NR3C2: variants seen among roughly 807,000 people sequenced by gnomAD.
NR3C2 encodes the protein nuclear receptor subfamily 3 group C member 2.
In NR3C2, 15 loss-of-function variants were observed where a neutral mutation model predicts 86.4. The ratio of observed to expected loss-of-function variants is 0.17; its 90% confidence interval spans 0.12 to 0.27. The LOEUF is 0.27. Ranked by LOEUF, NR3C2 falls within the 10% of genes least tolerant of loss-of-function variation. The probability of loss-of-function intolerance (pLI) is 1.00; values close to 1 mark genes in which losing one functional copy is unlikely to be tolerated. For synonymous variants in NR3C2, 458 were observed against 450.5 expected, an observed-to-expected ratio of 1.02 and a Z score of -0.21; for missense variants, 960 against 1,195.6, an observed-to-expected ratio of 0.80 and a Z score of 2.91.
chr4:148,212,648 T>C (rs1330910868), intron 3 of NR3C2, among the ~76,000 whole-genome samples: 2 of 152,214 alleles, frequency 1.3e-5, no homozygotes, highest in Non-Finnish European at 2.9e-5. Context: ...CAAGAAAATA[T>C]CTAAAAGTAA....
At chr4:148,163,686 A>C (rs1178463004) in intron 4 of NR3C2, among the ~76,000 whole-genome samples, 2 of 142,866 alleles carry the variant, frequency 1.4e-5, no homozygotes, top group African/African-American at 2.6e-5. Flanking sequence ...GGTTTCTTGT[A>C]ATCTTGAGAT....
chr4:148,080,901 A>AAAG lies in NR3C2; in HGVS notation c.*440_*442dup. 2.8e-6 allele frequency: 1 copy of AAAG among 355,108 alleles called. No individual in the cohort carries two copies. The highest frequency in any genetic ancestry group is 2.1e-5 in the South Asian group (1 of 47,202). The allele number at this position is 355,108 out of a possible 1,614,324, so 22.0% of individuals were successfully genotyped here. On this transcript the variant is annotated 3_prime_UTR_variant, in exon 9 of 9. Coordinates refer to ENST00000358102, the MANE Select transcript of NR3C2 (RefSeq NM_000901.5). The stretch of plus-strand genomic sequence containing the variant: ...ATTTTTTTGTGTTTTTTTAATAACA[A>AAAG]AAGAATATTAATGCCCCATATTGAC...
intron 2 of NR3C2, among the ~76,000 whole-genome samples, chr4:148,423,456 T>C (rs1749378467): frequency 6.6e-6 from 1 of 152,312 alleles, no homozygotes; most frequent in Non-Finnish European, 1.5e-5. Context: ...CTTCACCTCC[T>C]GTATGAAGGT....
intron 3 of NR3C2, among the ~76,000 whole-genome samples, chr4:148,258,432 T>C (rs1739931422): frequency 6.6e-6 from 1 of 152,200 alleles, no homozygotes; most frequent in Non-Finnish European, 1.5e-5. Flanking sequence ...AAAATTGGCC[T>C]TCTGGTAACA....
At chr4:148,134,592 G>T (rs1216837883) in intron 6 of NR3C2, among the ~76,000 whole-genome samples, 2 of 144,440 alleles carry the variant, frequency 1.4e-5, no homozygotes, top group African/African-American at 5.1e-5. Context: ...TGAGTGTTAA[G>T]GACAACACCT....
chr4:148,179,804 C>T (rs1247886790), intron 4 of NR3C2, among the ~76,000 whole-genome samples: 1 of 151,820 alleles, frequency 6.6e-6, no homozygotes, highest in Non-Finnish European at 1.5e-5. Context: ...TGAAATTCTG[C>T]AGTGTAAAAA....
chr4:148,303,076 A>C (rs1005191729), intron 2 of NR3C2, among the ~76,000 whole-genome samples: 1 of 152,210 alleles, frequency 6.6e-6, no homozygotes, highest in Non-Finnish European at 1.5e-5. Context: ...CACTTTATGC[A>C]AATAATCAGG....
At chr4:148,147,750 T>C (rs1733934322) in intron 6 of NR3C2, among the ~76,000 whole-genome samples, 1 of 152,212 alleles carries the variant, frequency 6.6e-6, no homozygotes, top group African/African-American at 2.4e-5. Flanking sequence ...ATTGCTGCCT[T>C]TGCTGTGGTG....
At chr4:148,333,404 C>T (rs1744323147) in intron 2 of NR3C2, among the ~76,000 whole-genome samples, 1 of 152,196 alleles carries the variant, frequency 6.6e-6, no homozygotes, top group Non-Finnish European at 1.5e-5. Context: ...TGATTTTAAG[C>T]TGGGCACATT....
At chr4:148,218,348 T>C (rs13144030) in intron 3 of NR3C2, among the ~76,000 whole-genome samples, 82,526 of 152,016 alleles carry the variant, frequency 0.54, 22,585 homozygotes, top group South Asian at 0.6. Context: ...GTCTATCATA[T>C]AAATGATGAA....
At chr4:148,280,954 G>A in intron 2 of NR3C2, among the ~76,000 whole-genome samples, 1 of 152,270 alleles carries the variant, frequency 6.6e-6, no homozygotes, top group South Asian at 2.1e-4. Flanking sequence ...AACAGTTAGA[G>A]CTTAGCTGAG....
intron 2 of NR3C2, among the ~76,000 whole-genome samples, chr4:148,316,368 T>A (rs1196901660): frequency 6.6e-6 from 1 of 152,202 alleles, no homozygotes; most frequent in African/African-American, 2.4e-5. Flanking sequence ...GAACATGTAT[T>A]ATATTTATTC....
Position 148,435,678 on chromosome 4 carries a change from C to T in NR3C2, c.1183G>A (p.Val395Ile), listed in dbSNP as rs764140077. 1.2e-6 allele frequency: 2 copies of T among 1,614,156 alleles called. No individual in the cohort carries two copies. Among genetic ancestry groups the T allele is most frequent in the Non-Finnish European group, 1.7e-6 (2 of 1,180,032 alleles). Residue 395 changes from valine (V) to isoleucine (I), a missense_variant, in exon 2 of 9, where the codon GTC (valine) becomes ATC (isoleucine). Physicochemically the swap from Val to Ile is conservative, Grantham distance 29 (BLOSUM62 3). Transcript: ENST00000358102. ...SNGVTGQLNI[V>I]QYIKPEPDGA... ...TCTGGTTCTGGTTTTATGTACTGGA[C>T]AATATTAAGCTGGCCAGTCACACCA...
At chr4:148,379,151 G>A (rs571631799) in intron 2 of NR3C2, among the ~76,000 whole-genome samples, 24 of 152,054 alleles carry the variant, frequency 1.6e-4, no homozygotes, top group African/African-American at 4.6e-4. Flanking sequence ...ATAATTATAC[G>A]TCTAAATTTA....
intron 4 of NR3C2, among the ~76,000 whole-genome samples, chr4:148,177,594 G>A (rs1361278558): frequency 6.6e-6 from 1 of 152,184 alleles, no homozygotes; most frequent in Non-Finnish European, 1.5e-5. Flanking sequence ...ATATTCCTCA[G>A]TGGACACACC....
At chr4:148,291,070 T>C (rs1741775631) in intron 2 of NR3C2, among the ~76,000 whole-genome samples, 1 of 152,142 alleles carries the variant, frequency 6.6e-6, no homozygotes, top group Non-Finnish European at 1.5e-5. Context: ...TATTGCAAGA[T>C]GGTACCCACA....
intron 4 of NR3C2, among the ~76,000 whole-genome samples, chr4:148,162,674 C>T (rs3846299): frequency 0.14 from 21,805 of 152,212 alleles, 2,105 homozygotes; most frequent in African/African-American, 0.27. Flanking sequence ...TGGACTGCGT[C>T]GCATGGGGCT....
chr4:148,229,495 T>C (rs987838887), intron 3 of NR3C2, among the ~76,000 whole-genome samples: 7 of 152,204 alleles, frequency 4.6e-5, no homozygotes, highest in African/African-American at 1.7e-4. Context: ...CCTGTGTGTA[T>C]GCCAATTTTG....
intron 6 of NR3C2, among the ~76,000 whole-genome samples, chr4:148,130,925 G>A (rs550735578): frequency 4.1e-5 from 6 of 147,330 alleles, no homozygotes; most frequent in African/African-American, 1.3e-4. Flanking sequence ...CTGGGTTCAC[G>A]CCATTCTCCT....
Sources: allele counts gnomAD v4.1 joint callset (sites outside exome capture counted in the v4.1 genomes callset), GRCh38; gene constraint gnomAD v4.1.1; transcripts MANE v1.5; gene names NCBI Gene and HGNC (gene_info 2026-07-23, HGNC 2026-07-21).